Variants in PSG2 observed in about 807,000 individuals in gnomAD.
PSG2 encodes the protein pregnancy-specific beta-1-glycoprotein 2.
Under a neutral mutation model 36.2 loss-of-function variants are expected in PSG2, and 49 were observed. The observed-to-expected ratio is 1.35, with a 90% CI of 1.08 to 1.72. PSG2 has a LOEUF of 1.72. Among genes scored for constraint, PSG2 ranks in the 40% most tolerant of loss-of-function variants. The pLI is 0.00. For missense variants in PSG2, 605 were observed against 407.2 expected (o/e 1.49, Z -4.18); for synonymous variants, 261 against 155.6 (o/e 1.68, Z -5.04).
chr19:43,082,205 A>C, intron 1 of PSG2: 2 of 264,514 alleles, frequency 7.6e-6, no homozygotes, highest in South Asian at 7.3e-5. Context: ...CAGTGGCGCT[A>C]TCTCGGCACG....
Position 43,081,099 on chromosome 19 carries a change from T to A in PSG2, c.212A>T (p.Gln71Leu). ...AATGTAATGGTAGAGGTCCCTGATT[T>A]GCCCTTTGTACCAGATGTAGCCAGT... is the stretch of plus-strand genomic sequence containing the variant. ...NLTGYIWYKG[Q>L]IRDLYHYITS... Residue 71 changes from glutamine to leucine, a missense_variant, in exon 2 of 6, where the codon CAA becomes CTA. Transcript: ENST00000406487. 1 of 1,612,890 alleles carries A rather than the reference T, an allele frequency of 6.2e-7. No individual in the cohort carries two copies. Among genetic ancestry groups the A allele is most frequent in the South Asian group, 1.1e-5 (1 of 91,034 alleles).
chr19:43,080,206 A>G (rs1967952093), intron 2 of PSG2, among the ~76,000 whole-genome samples: 1 of 151,694 alleles, frequency 6.6e-6, no homozygotes, highest in Non-Finnish European at 1.5e-5. Context: ...TAGACTTCCT[A>G]TGGACTCTCC....
At chr19:43,068,184 C>G (rs893336325) in intron 4 of PSG2, among the ~76,000 whole-genome samples, 6 of 151,076 alleles carry the variant, frequency 4.0e-5, no homozygotes, top group African/African-American at 1.5e-4. Flanking sequence ...TGTTTTAATC[C>G]TAGCACTTTG....
At chr19:43,082,459 C>A (rs1967994362) in intron 1 of PSG2, 47 bp downstream of exon 1, 1 of 1,597,594 alleles carries the variant, frequency 6.3e-7, no homozygotes, top group Non-Finnish European at 8.6e-7. Flanking sequence ...CCCATCCAGT[C>A]ACTCTTCTTC....
At chr19:43,075,318 G>C (rs1308099733) in intron 3 of PSG2, 36 bp downstream of exon 3, 3 of 1,613,036 alleles carry the variant, frequency 1.9e-6, no homozygotes, top group African/African-American at 2.7e-5. Flanking sequence ...TATTTGGGAT[G>C]GCAGTCTGGC....
chr19:43,070,732 G>A, intron 4 of PSG2, among the ~76,000 whole-genome samples: 1 of 151,674 alleles, frequency 6.6e-6, no homozygotes, highest in East Asian at 1.9e-4. Flanking sequence ...GGGTACAGAG[G>A]TTTAATATGG....
chr19:43,075,711 A>G, intron 2 of PSG2, 79 bp from the exon 3 acceptor site: 1 of 1,548,084 alleles, frequency 6.5e-7, no homozygotes, highest in Non-Finnish European at 8.7e-7. Context: ...CAGAGTTGGC[A>G]TTTCCCACCT....
Position 43,082,614 on chromosome 19 carries a change from G to T in PSG2, c.-45C>A. 6.2e-7 allele frequency: 1 copy of T among 1,604,532 alleles called. No individual in the cohort carries two copies. Among genetic ancestry groups the T allele is most frequent in the South Asian group, 1.1e-5 (1 of 90,700 alleles). The stretch of plus-strand genomic sequence containing the variant: ...TTCTCCTCTGTGGAGATGAGCCTAG[G>T]ATCCAGAAACTTCCTGAGCACGGCT... On this transcript the variant is annotated 5_prime_UTR_variant, in exon 1 of 6. Coordinates refer to ENST00000406487, the MANE Select transcript of PSG2 (RefSeq NM_031246.4).
intron 4 of PSG2, among the ~76,000 whole-genome samples, chr19:43,068,094 T>A (rs2064329615): frequency 6.6e-6 from 1 of 151,374 alleles, no homozygotes; most frequent in Non-Finnish European, 1.5e-5. Flanking sequence ...AACCATTAAC[T>A]AGATTGACTA....
In PSG2 at chr19:43,076,833, T is replaced by TA. The variant is rs749913358; in HGVS notation, c.431-1202dup. Among the ~76,000 whole-genome samples the TA allele has an allele frequency of 1.6e-4, 24 of 151,418 alleles. 1 individual carries two copies. The highest frequency in any genetic ancestry group is 3.1e-4 in the Non-Finnish European group (21 of 67,958). ...AAGTGTTTTGGATTTCTAATTTTTT[T>TA]ATTTTGGAATATTTGCCGTATATGT... On this transcript the variant is annotated intron_variant, in intron 2 of 5. Transcript: ENST00000406487.
Position 43,066,728 on chromosome 19 carries a change from G to T in PSG2, c.965-128C>A, listed in dbSNP as rs371744926. The T allele has an allele frequency of 1.0e-5, 14 of 1,358,436 alleles. 2 individuals carry two copies. Among genetic ancestry groups the T allele is most frequent in the East Asian group, 2.4e-5 (1 of 41,980 alleles). The allele number at this position is 1,358,436 out of a possible 1,614,324, so 84.1% of individuals were successfully genotyped here. A position where few individuals can be genotyped will look rare whatever the true frequency, so the allele number is the denominator to read the frequency against. ...TTCAAGGACCACATTATTTCTCTTG[G>T]AATATTGATGGGAGATGATTATATT... is the stretch of plus-strand genomic sequence containing the variant. On this transcript the variant is annotated intron_variant, in intron 4 of 5. Transcript: ENST00000406487.
intron 2 of PSG2, among the ~76,000 whole-genome samples, chr19:43,079,186 C>A (rs979651648): frequency 1.5e-4 from 23 of 151,470 alleles, no homozygotes; most frequent in Non-Finnish European, 2.4e-4. Context: ...CACAGAGAAG[C>A]AGAGAGAGGC....
chr19:43,069,636 G>A (rs1967788825), intron 4 of PSG2, among the ~76,000 whole-genome samples: 1 of 151,668 alleles, frequency 6.6e-6, no homozygotes, highest in African/African-American at 2.4e-5. Flanking sequence ...ATGATATTGG[G>A]AAAGCTGGAT....
chr19:43,081,953 A>G (rs900949670), intron 1 of PSG2: 1 of 152,524 alleles, frequency 6.6e-6, no homozygotes, highest in Admixed American at 6.5e-5. Flanking sequence ...ATTTTTCAAA[A>G]TGTGGCCCCT....
chr19:43,066,988 T>C (rs555071971), intron 4 of PSG2, among the ~76,000 whole-genome samples: 2 of 151,606 alleles, frequency 1.3e-5, no homozygotes, highest in East Asian at 3.9e-4. Flanking sequence ...GGCAGGGACC[T>C]GATTGGCAGA....
At chr19:43,076,791 G>T (rs1038977921) in intron 2 of PSG2, among the ~76,000 whole-genome samples, 2 of 150,474 alleles carry the variant, frequency 1.3e-5, no homozygotes, top group East Asian at 1.9e-4. Context: ...TGCTCCTTAT[G>T]CAGAAAGCTT....
intron 2 of PSG2, among the ~76,000 whole-genome samples, chr19:43,076,756 G>C (rs930082572): frequency 3.3e-5 from 5 of 151,576 alleles, no homozygotes; most frequent in Non-Finnish European, 5.9e-5. Context: ...GTACAGCCTC[G>C]TGCCTATAGT....
At position 43,078,084 on chromosome 19, in the gene PSG2, C is replaced by T. The variant is rs534606875; in HGVS notation, c.431-2452G>A. ...CCTCTGACACCCTGGTGAGTCATTG[C>T]AGAGATTACAACAGTGACAGCAAAC... is the stretch of plus-strand genomic sequence containing the variant. On this transcript the variant is annotated intron_variant, in intron 2 of 5. Transcript: ENST00000406487. Among the ~76,000 whole-genome samples the T allele has an allele frequency of 8.3e-4, 126 of 151,850 alleles. 6 individuals are homozygous for T. Among genetic ancestry groups the T allele is most frequent in the African/African-American group, 3.0e-3 (122 of 41,242 alleles).
In PSG2 at chr19:43,075,441, T is replaced by C. The variant is rs774280899; in HGVS notation, c.622A>G (p.Thr208Ala). 2 of 1,613,242 alleles carry C rather than the reference T, an allele frequency of 1.2e-6. No individual in the cohort carries two copies. Among genetic ancestry groups the C allele is most frequent in the Admixed American group, 3.3e-5 (2 of 59,966 alleles). The change falls in exon 3 of 6, where the codon ACA becomes GCA. Residue 208 changes from threonine to alanine, a missense_variant. By Grantham distance (58) the Thr-to-Ala change is moderately conservative. Transcript: ENST00000406487. ...TNRTLFLFGV[T>A]KYTAGPYECE... The stretch of plus-strand genomic sequence containing the variant: ...TCATAGGGTCCTGCAGTATACTTTG[T>C]GACACCAAATAGAAAGAGGGTCCTG...
Sources: gnomAD v4.1 joint callset for allele counts (sites outside exome capture counted in the v4.1 genomes callset) on GRCh38, gnomAD v4.1.1 for gene constraint, MANE v1.5 for transcripts, NCBI Gene and HGNC (gene_info 2026-07-23, HGNC 2026-07-21) for gene names.